Variants in RAMP1 observed in about 807,000 individuals in gnomAD.
RAMP1 encodes the protein receptor activity-modifying protein 1.
In RAMP1, 7 loss-of-function variants were observed where a neutral mutation model predicts 8.2. That is an observed-to-expected ratio of 0.85 (90% CI 0.49 to 1.60). The LOEUF (loss-of-function observed/expected upper bound fraction) is 1.60. Ranked by LOEUF, RAMP1 falls within the 40% of genes most tolerant of loss-of-function variation. The pLI is 0.00. For synonymous variants in RAMP1, 92 were observed against 84.7 expected (o/e 1.09, Z -0.47); for missense variants, 192 against 202.4 (o/e 0.95, Z 0.31).
intron 1 of RAMP1, among the ~76,000 whole-genome samples, chr2:237,873,466 C>T (rs1481598488): frequency 6.6e-6 from 1 of 152,222 alleles, no homozygotes; most frequent in East Asian, 1.9e-4. Flanking sequence ...TTGAGGGGCC[C>T]TCCACCTTTG....
intron 2 of RAMP1, among the ~76,000 whole-genome samples, chr2:237,894,900 G>C (rs144238688): frequency 2.3e-4 from 35 of 152,320 alleles, no homozygotes; most frequent in African/African-American, 7.5e-4. Flanking sequence ...GGAGTGGCCT[G>C]TTCCTACTCC....
chr2:237,864,329 G>A (rs937995393), intron 1 of RAMP1, among the ~76,000 whole-genome samples: 18 of 140,620 alleles, frequency 1.3e-4, no homozygotes, highest in African/African-American at 5.9e-4. Flanking sequence ...TGTTTGCTTC[G>A]TAAGGCCTGC....
In RAMP1 at chr2:237,865,345, G is replaced by A; in HGVS notation, c.52+5618G>A. Among the ~76,000 whole-genome samples, 1 of 145,916 alleles carries A rather than the reference G, an allele frequency of 6.9e-6. No individual in the cohort carries two copies. The highest frequency in any genetic ancestry group is 1.5e-5 in the Non-Finnish European group (1 of 65,792). ...GAAGAGAGGAGGGGAGGGGAGGGCAGGGGAGTAGAGAGGAGAGTGCAGGGG... is the reference window on the plus strand; with the variant it reads ...GAAGAGAGGAGGGGAGGGGAGGGCAAGGGAGTAGAGAGGAGAGTGCAGGGG... On this transcript the variant is annotated intron_variant, in intron 1 of 2. Coordinates refer to ENST00000254661, the MANE Select transcript of RAMP1 (RefSeq NM_005855.4). The surrounding 1 kb of genome is among the most constrained non-coding windows in gnomAD (Gnocchi z 4.2).
chr2:237,875,392 C>T (rs1214774861), intron 1 of RAMP1, among the ~76,000 whole-genome samples: 2 of 151,670 alleles, frequency 1.3e-5, no homozygotes, highest in Non-Finnish European at 2.9e-5. Flanking sequence ...CCGGGGTGCC[C>T]GGAGGAGGCT....
intron 2 of RAMP1, among the ~76,000 whole-genome samples, chr2:237,884,223 C>T (rs2062404562): frequency 6.6e-6 from 1 of 152,124 alleles, no homozygotes; most frequent in Non-Finnish European, 1.5e-5. Flanking sequence ...TCAGCGGGGC[C>T]AGGCTCCCCT....
At position 237,877,158 on chromosome 2, in the gene RAMP1, G is replaced by A. The variant is rs530518055; in HGVS notation, c.53-66G>A. On this transcript the variant is annotated intron_variant, in intron 1 of 2. Coordinates refer to ENST00000254661, the MANE Select transcript of RAMP1 (RefSeq NM_005855.4). The surrounding 1 kb of genome is among the most constrained non-coding windows in gnomAD (Gnocchi z 4.4). Reference sequence around the variant, plus strand: ...GAGTCCGGGCTGCAGGGGCGCGCGGGCTGGCGGTGATACCCCTAGGCCTCT... The same window carrying A: ...GAGTCCGGGCTGCAGGGGCGCGCGGACTGGCGGTGATACCCCTAGGCCTCT... 18 of 1,606,416 alleles carry A rather than the reference G, an allele frequency of 1.1e-5. No homozygotes were observed. In the African/African-American group the frequency reaches 2.0e-4, roughly 18 times the overall value.
chr2:237,903,876 G>C (rs370679191), intron 2 of RAMP1, among the ~76,000 whole-genome samples: 14 of 152,074 alleles, frequency 9.2e-5, no homozygotes, highest in African/African-American at 3.1e-4. Flanking sequence ...TTGTATTTTT[G>C]GTAGAGTTGG....
intron 2 of RAMP1, among the ~76,000 whole-genome samples, chr2:237,911,063 G>A (rs1238069958): frequency 6.6e-6 from 1 of 151,606 alleles, no homozygotes; most frequent in African/African-American, 2.4e-5. Context: ...GTCACACACA[G>A]TCGCACACAG....
At chr2:237,887,972 A>G (rs549543068) in intron 2 of RAMP1, among the ~76,000 whole-genome samples, 40 of 152,152 alleles carry the variant, frequency 2.6e-4, no homozygotes, top group Middle Eastern at 6.8e-3. Flanking sequence ...TTTTTAAAAA[A>G]GATTTTGTTG....
At chr2:237,871,498 C>A (rs779843417) in intron 1 of RAMP1, among the ~76,000 whole-genome samples, 1 of 152,164 alleles carries the variant, frequency 6.6e-6, no homozygotes, top group African/African-American at 2.4e-5. Context: ...AGGGACAGAT[C>A]GTGGCAACTG....
At chr2:237,869,252 C>T (rs552108805) in intron 1 of RAMP1, among the ~76,000 whole-genome samples, 1 of 152,280 alleles carries the variant, frequency 6.6e-6, no homozygotes, top group Admixed American at 6.5e-5. Context: ...CTGTCCCAGT[C>T]ATTGCTTTTT....
Position 237,877,916 on chromosome 2 carries a change from A to C in RAMP1, c.191+554A>C. ...GCCCAAGGGCCCTTCTTCCCGCTTG[A>C]GGGGCTCCCTCATTGCCTCCCTCAG... On this transcript the variant is annotated intron_variant, in intron 2 of 2. Coordinates refer to ENST00000254661, the MANE Select transcript of RAMP1 (RefSeq NM_005855.4). The surrounding 1 kb of genome is among the most constrained non-coding windows in gnomAD (Gnocchi z 4.4). 17 of 979,390 alleles carry C rather than the reference A, an allele frequency of 1.7e-5. No individual in the cohort carries two copies. Among genetic ancestry groups the C allele is most frequent in the Non-Finnish European group, 1.7e-5 (14 of 824,488 alleles). 60.7% of individuals were successfully genotyped at this position (979,390 alleles called of 1,614,324 possible). A position where few individuals can be genotyped will look rare whatever the true frequency, so the allele number is the denominator to read the frequency against.
At chr2:237,902,215 G>A (rs574104727) in intron 2 of RAMP1, among the ~76,000 whole-genome samples, 8 of 151,916 alleles carry the variant, frequency 5.3e-5, no homozygotes, top group East Asian at 1.9e-4. Context: ...ACTGCCACCC[G>A]GAGCAAGGCT....
At chr2:237,876,597 GGAA>G (rs1361967217) in intron 1 of RAMP1, among the ~76,000 whole-genome samples, 1 of 152,206 alleles carries the variant, frequency 6.6e-6, no homozygotes, top group Non-Finnish European at 1.5e-5. Context: ...AGCCTGAGGA[GGAA>G]GAAGAAGCCT....
intron 2 of RAMP1, among the ~76,000 whole-genome samples, chr2:237,884,505 C>T (rs2062407434): frequency 6.6e-6 from 1 of 152,120 alleles, no homozygotes; most frequent in African/African-American, 2.4e-5. Context: ...TTTTAAAAGC[C>T]TCACGTCAGA....
chr2:237,902,727 G>C (rs886186247), intron 2 of RAMP1, among the ~76,000 whole-genome samples: 11 of 152,196 alleles, frequency 7.2e-5, no homozygotes, highest in African/African-American at 2.7e-4. Context: ...CCCTCTGGTG[G>C]GAAGACCCAG....
In RAMP1 at chr2:237,877,408, G is replaced by A; in HGVS notation, c.191+46G>A. On this transcript the variant is annotated intron_variant, in intron 2 of 2. Transcript: ENST00000254661. The surrounding 1 kb of genome is among the most constrained non-coding windows in gnomAD (Gnocchi z 4.4). ...TGGGCAGGACACGGTTGGGGAGGGA[G>A]AGGGGGCAAGCGGAGGAGGAGTGGA... 1 of 1,583,766 alleles carries A rather than the reference G, an allele frequency of 6.3e-7. No individual in the cohort carries two copies. The highest frequency in any genetic ancestry group is 8.6e-7 in the Non-Finnish European group (1 of 1,164,904).
intron 2 of RAMP1, among the ~76,000 whole-genome samples, chr2:237,911,224 A>G (rs2062709054): frequency 8.1e-6 from 1 of 124,014 alleles, no homozygotes; most frequent in South Asian, 2.7e-4. Context: ...CTGGTGGCAG[A>G]GGTTCGGGCC....
rs547763891 is a variant in RAMP1, at chr2:237,887,064, G to A, written c.191+9702G>A. Among the ~76,000 whole-genome samples, 205 of 152,198 alleles carry A rather than the reference G, an allele frequency of 1.3e-3. 1 individual carries two copies. Among genetic ancestry groups the A allele is most frequent in the African/African-American group, 4.4e-3 (182 of 41,530 alleles). ...CAGGGCTTCACTGAGCCCCGAAGGC[G>A]GCCTCCTGGGCTGCCCATGGGGAAG... On this transcript the variant is annotated intron_variant, in intron 2 of 2. Coordinates refer to ENST00000254661, the MANE Select transcript of RAMP1 (RefSeq NM_005855.4).
Sources: allele counts gnomAD v4.1 joint callset (sites outside exome capture counted in the v4.1 genomes callset), GRCh38; gene constraint gnomAD v4.1.1; non-coding constraint Gnocchi (gnomAD v3.1); transcripts MANE v1.5; gene names NCBI Gene and HGNC (gene_info 2026-07-23, HGNC 2026-07-21).